The following THSD7B variants were observed in gnomAD, a reference collection of about 807,000 sequenced individuals.
The protein encoded by THSD7B is thrombospondin type-1 domain-containing protein 7B.
In THSD7B, 138 loss-of-function variants were observed where a neutral mutation model predicts 213.6. The ratio of observed to expected loss-of-function variants is 0.65; its 90% confidence interval spans 0.56 to 0.74. THSD7B has a LOEUF of 0.74. Among genes scored for constraint, THSD7B ranks in the 30% least tolerant of loss-of-function variants. THSD7B has a pLI of 0.00. For missense variants in THSD7B, 1,931 were observed against 1,991.5 expected (o/e 0.97, Z 0.58); for synonymous variants, 742 against 687.0 (o/e 1.08, Z -1.25).
chr2:137,293,164 A>G (rs1359922204), intron 12 of THSD7B, among the ~76,000 whole-genome samples: 1 of 151,196 alleles, frequency 6.6e-6, no homozygotes, highest in Non-Finnish European at 1.5e-5. Flanking sequence ...TTCTTTTGAG[A>G]CATGGTCTGT....
chr2:137,245,986 G>T (rs1489700745), intron 10 of THSD7B, among the ~76,000 whole-genome samples: 1 of 152,164 alleles, frequency 6.6e-6, no homozygotes, highest in East Asian at 1.9e-4. Context: ...TATATGTTGG[G>T]TATAAAGCTC....
intron 7 of THSD7B, among the ~76,000 whole-genome samples, chr2:137,210,959 T>C (rs2117748): frequency 0.6 from 90,588 of 151,676 alleles, 27,468 homozygotes; most frequent in South Asian, 0.71. Context: ...AAAAGGAAAA[T>C]GTATTCATAA....
In THSD7B at chr2:137,400,914, C is replaced by T. The variant is rs574381034; in HGVS notation, c.2501-4699C>T. Among the ~76,000 whole-genome samples, 3 of 152,266 alleles carry T rather than the reference C, an allele frequency of 2.0e-5. No individual in the cohort carries two copies. In the East Asian group the frequency reaches 5.8e-4, roughly 29 times the overall value. On this transcript the variant is annotated intron_variant, in intron 12 of 27. Transcript: ENST00000409968. ...AGCCTGTATTCAGGCCCACTAGTGGCAGGGGCATTTGCCAGCCCTGATGGA... is the reference window on the plus strand; with the variant it reads ...AGCCTGTATTCAGGCCCACTAGTGGTAGGGGCATTTGCCAGCCCTGATGGA...
chr2:136,890,347 TTC>T (rs1558839903), intron 2 of THSD7B, among the ~76,000 whole-genome samples: 59 of 4,428 alleles, frequency 0.013, 10 homozygotes, highest in African/African-American at 0.037. Context: ...CTTCTTCTTC[TTC>T]TTCTTCTTCT....
intron 1 of THSD7B, among the ~76,000 whole-genome samples, chr2:136,773,680 G>A (rs899210591): frequency 1.1e-4 from 16 of 152,010 alleles, no homozygotes; most frequent in African/African-American, 3.6e-4. Flanking sequence ...TGTGGCTGGT[G>A]GCCACCATAT....
intron 15 of THSD7B, among the ~76,000 whole-genome samples, chr2:137,500,037 G>GA (rs1444516554): frequency 1.3e-5 from 2 of 152,052 alleles, no homozygotes; most frequent in African/African-American, 2.4e-5. Context: ...GACAATACAG[G>GA]AAAAAATGAC....
chr2:137,400,919 G>T (rs1037317404), intron 12 of THSD7B, among the ~76,000 whole-genome samples: 26 of 152,254 alleles, frequency 1.7e-4, no homozygotes, highest in African/African-American at 5.8e-4. Flanking sequence ...AGTGGCAGGG[G>T]CATTTGCCAG....
intron 12 of THSD7B, among the ~76,000 whole-genome samples, chr2:137,304,797 TG>T (rs1315067881): frequency 5.9e-5 from 9 of 152,228 alleles, no homozygotes; most frequent in African/African-American, 2.2e-4. Flanking sequence ...TAACAAAACA[TG>T]ATATATAGTT....
chr2:137,572,514 G>C lies in THSD7B; in HGVS notation c.3381G>C (p.Glu1127Asp), dbSNP rs376231284. Residue 1127 changes from glutamate to aspartate, a missense_variant, in exon 17 of 28, where the codon GAG becomes GAC. Coordinates refer to ENST00000409968, the MANE Select transcript of THSD7B (RefSeq NM_001316349.2). ...TQSCSLMCPN[E>D]CVMSEWGLWS... ...CCTGTTCTCTTATGTGTCCCAATGA[G>C]TGTGTCATGTCTGAGTGGGGACTTT... 2.5e-6 allele frequency: 4 copies of C among 1,613,778 alleles called. No homozygotes were observed. In the Admixed American group the frequency reaches 5.0e-5, roughly 20 times the overall value.
chr2:137,451,971 T>TA (rs1687660669), intron 15 of THSD7B: 1 of 596,902 alleles, frequency 1.7e-6, no homozygotes, highest in South Asian at 7.4e-5. Context: ...TCAGCCTCTA[T>TA]ACATGCTGTT....
intron 12 of THSD7B, among the ~76,000 whole-genome samples, chr2:137,279,336 G>A (rs1682943850): frequency 1.3e-5 from 2 of 152,064 alleles, no homozygotes; most frequent in Admixed American, 6.6e-5. Flanking sequence ...AAGAGTTGGA[G>A]ACCAGCCTGG....
In THSD7B at chr2:137,568,125, TTGA is replaced by T. The variant is rs112460565; in HGVS notation, c.3273-4276_3273-4274del. On this transcript the variant is annotated intron_variant, in intron 16 of 27. Transcript: ENST00000409968. ...ATTGAGTTTGGCAATGGGGAGTTTG[TTGA>T]TGATCTCACTAAGAGGTTTCTCTGG... Among the ~76,000 whole-genome samples, 1,270 of 152,278 alleles carry T rather than the reference TTGA, an allele frequency of 8.3e-3. 20 individuals carry two copies. Among genetic ancestry groups the T allele is most frequent in the African/African-American group, 0.029 (1,203 of 41,562 alleles).
At chr2:137,271,329 A>T (rs1682727901) in intron 10 of THSD7B, among the ~76,000 whole-genome samples, 1 of 148,946 alleles carries the variant, frequency 6.7e-6, no homozygotes, top group South Asian at 2.1e-4. Flanking sequence ...CTTACATCTC[A>T]GTGCCCTTCT....
At chr2:136,793,353 T>C (rs1682000767) in intron 1 of THSD7B, among the ~76,000 whole-genome samples, 1 of 152,050 alleles carries the variant, frequency 6.6e-6, no homozygotes, top group African/African-American at 2.4e-5. Flanking sequence ...CATATTTTCA[T>C]GGCTTATTTT....
chr2:136,970,954 C>A (rs4954454), intron 2 of THSD7B, among the ~76,000 whole-genome samples: 74,666 of 151,960 alleles, frequency 0.49, 19,248 homozygotes, highest in East Asian at 0.81. Context: ...TACAATAAAG[C>A]CACAATTACA....
chr2:137,481,259 T>C (rs984350843), intron 15 of THSD7B, among the ~76,000 whole-genome samples: 2 of 152,232 alleles, frequency 1.3e-5, no homozygotes, highest in Non-Finnish European at 2.9e-5. Context: ...TTAAGACATA[T>C]ACATGCAAAT....
chr2:136,841,764 A>T (rs916412201), intron 1 of THSD7B, among the ~76,000 whole-genome samples: 2 of 152,118 alleles, frequency 1.3e-5, no homozygotes, highest in Admixed American at 6.6e-5. Context: ...CACCTACAAG[A>T]ATACACAGCT....
chr2:137,492,752 G>A (rs1679449694), intron 15 of THSD7B, among the ~76,000 whole-genome samples: 1 of 152,086 alleles, frequency 6.6e-6, no homozygotes. Flanking sequence ...GCATAAATTA[G>A]CACGTTAATA....
intron 2 of THSD7B, among the ~76,000 whole-genome samples, chr2:136,954,655 T>A (rs942953253): frequency 7.1e-6 from 1 of 140,560 alleles, no homozygotes. Context: ...GAGCGGAGAC[T>A]GCAGTAAGCC....
Sources: allele counts gnomAD v4.1 joint callset (sites outside exome capture counted in the v4.1 genomes callset), GRCh38; gene constraint gnomAD v4.1.1; transcripts MANE v1.5; gene names NCBI Gene and HGNC (gene_info 2026-07-23, HGNC 2026-07-21).